RFC3: variants seen among roughly 807,000 people sequenced by gnomAD.
The protein encoded by RFC3 is replication factor C subunit 3, also known as A1 38 kDa subunit.
RFC3 carries 41 observed loss-of-function variants against 45.1 expected under a neutral mutation model. That is an observed-to-expected ratio of 0.91 (90% CI 0.71 to 1.18). The LOEUF (loss-of-function observed/expected upper bound fraction) is 1.18, where lower values mean the gene tolerates loss of function less well. RFC3 is among the 50% of genes most tolerant of loss of function. RFC3 has a pLI of 0.00. For synonymous variants in RFC3, 149 were observed against 144.0 expected (o/e 1.03, Z -0.25); for missense variants, 423 against 428.1 (o/e 0.99, Z 0.10).
chr13:33,833,490 C>G (rs534269966), intron 7 of RFC3, among the ~76,000 whole-genome samples: 1 of 152,134 alleles, frequency 6.6e-6, no homozygotes, highest in East Asian at 1.9e-4. Flanking sequence ...TACTCTTAAT[C>G]ACTTGTAAGC....
At chr13:33,970,327 A>G (rs188571286), downstream of RFC3, among the ~76,000 whole-genome samples, 32 of 152,168 alleles carry the variant, frequency 2.1e-4, no homozygotes, top group East Asian at 4.4e-3. Flanking sequence ...TCTTTATCCA[A>G]TCTATCATTG....
chr13:33,938,491 T>C (rs895569606), intron 8 of RFC3, among the ~76,000 whole-genome samples: 7 of 152,094 alleles, frequency 4.6e-5, no homozygotes, highest in Admixed American at 2.0e-4. Context: ...ATAACCACCA[T>C]TCTGATTTTT....
Position 33,831,239 on chromosome 13 carries a change from C to T in RFC3, c.711-17C>T. ...ACACTTCTGTTTAACTTCTTGTGTT[C>T]TCTTTTTGTCATGTAGATATCCTTT... On this transcript the variant is annotated splice_polypyrimidine_tract_variant and intron_variant, in intron 6 of 8. Transcript: ENST00000380071. The T allele has an allele frequency of 6.8e-7, 1 of 1,468,216 alleles. No individual in the cohort carries two copies. The highest frequency in any genetic ancestry group is 9.5e-7 in the Non-Finnish European group (1 of 1,047,688). The allele number at this position is 1,468,216 out of a possible 1,614,324, so 90.9% of individuals were successfully genotyped here.
In RFC3 at chr13:33,818,283, G is replaced by C; in HGVS notation, c.87+18G>C. On this transcript the variant is annotated intron_variant, in intron 1 of 8. Coordinates refer to ENST00000380071, the MANE Select transcript of RFC3 (RefSeq NM_002915.4). Reference sequence around the variant, plus strand: ...GGAACCTGGTGAGTCTGCGGGGGCCGGGAGCGTGGGAGAGGGGAGGCCCCC... The same window carrying C: ...GGAACCTGGTGAGTCTGCGGGGGCCCGGAGCGTGGGAGAGGGGAGGCCCCC... 3 of 1,608,486 alleles carry C rather than the reference G, an allele frequency of 1.9e-6. No individual in the cohort carries two copies. Among genetic ancestry groups the C allele is most frequent in the Non-Finnish European group, 1.7e-6 (2 of 1,175,950 alleles).
intron 7 of RFC3, among the ~76,000 whole-genome samples, chr13:33,832,592 A>C (rs117088799): frequency 6.6e-6 from 1 of 152,158 alleles, no homozygotes; most frequent in Non-Finnish European, 1.5e-5. Context: ...AGAAATCGAT[A>C]GTTTTCTCCA....
intron 8 of RFC3, among the ~76,000 whole-genome samples, chr13:33,842,690 T>C (rs576243240): frequency 1.3e-5 from 2 of 152,128 alleles, no homozygotes; most frequent in South Asian, 4.1e-4. Context: ...GCCACTTTCT[T>C]CCAGGCAGAA....
chr13:33,937,050 G>A (rs1301456026), intron 8 of RFC3, among the ~76,000 whole-genome samples: 2 of 152,134 alleles, frequency 1.3e-5, no homozygotes, highest in East Asian at 3.9e-4. Flanking sequence ...ACTTCATGGT[G>A]TATATGTATA....
chr13:33,849,540 G>A (rs1371170106), intron 8 of RFC3: 3 of 152,032 alleles, frequency 2.0e-5, no homozygotes, highest in Admixed American at 2.0e-4. Flanking sequence ...AGCCTTGTAG[G>A]ACAATTGCAG....
chr13:33,878,860 A>G (rs745794908), intron 8 of RFC3, among the ~76,000 whole-genome samples: 4 of 152,030 alleles, frequency 2.6e-5, no homozygotes, highest in Admixed American at 1.3e-4. Flanking sequence ...ACTTTTTTCA[A>G]TTCCATGTTG....
intron 8 of RFC3, among the ~76,000 whole-genome samples, chr13:33,915,318 C>T (rs2082725975): frequency 6.6e-6 from 1 of 152,154 alleles, no homozygotes; most frequent in South Asian, 2.1e-4. Flanking sequence ...TGCCAGTACA[C>T]TTGCACCCTT....
At chr13:33,934,480 G>A (rs1300295467) in intron 8 of RFC3, among the ~76,000 whole-genome samples, 1 of 152,166 alleles carries the variant, frequency 6.6e-6, no homozygotes, top group African/African-American at 2.4e-5. Flanking sequence ...TGAGATGACT[G>A]TGTGTCTTGG....
chr13:33,904,867 G>A (rs1321085302), intron 8 of RFC3, among the ~76,000 whole-genome samples: 3 of 152,078 alleles, frequency 2.0e-5, no homozygotes, highest in African/African-American at 7.2e-5. Context: ...GGCCTAAACA[G>A]CTGGTGAGAC....
At chr13:33,838,405 T>C (rs1315378359), downstream of RFC3, among the ~76,000 whole-genome samples, 1 of 152,174 alleles carries the variant, frequency 6.6e-6, no homozygotes, top group African/African-American at 2.4e-5. Context: ...GGAATGTAGT[T>C]TACCATTTAT....
At chr13:33,925,801 C>CCCGACCAA (rs1347319666) in intron 8 of RFC3, among the ~76,000 whole-genome samples, 6 of 151,790 alleles carry the variant, frequency 4.0e-5, no homozygotes, top group Non-Finnish European at 8.8e-5. Flanking sequence ...GAATGAACCC[C>CCCGACCAA]CCGACCAACC....
chr13:33,825,107 C>T (rs1440829114), intron 3 of RFC3, among the ~76,000 whole-genome samples: 1 of 152,136 alleles, frequency 6.6e-6, no homozygotes, highest in Non-Finnish European at 1.5e-5. Flanking sequence ...AAGCCGATTG[C>T]TTTTGGGGTG....
intron 8 of RFC3, among the ~76,000 whole-genome samples, chr13:33,929,696 A>G (rs2137765676): frequency 6.6e-6 from 1 of 152,218 alleles, no homozygotes; most frequent in South Asian, 2.1e-4. Flanking sequence ...CATGTTTATT[A>G]TATTTTATAC....
At chr13:33,920,608 T>C (rs2082763041) in intron 8 of RFC3, among the ~76,000 whole-genome samples, 1 of 151,760 alleles carries the variant, frequency 6.6e-6, no homozygotes, top group Non-Finnish European at 1.5e-5. Flanking sequence ...CTTAAATTTT[T>C]TTGTAGAGAT....
chr13:33,963,077 C>T (rs1356832513), intron 8 of RFC3, among the ~76,000 whole-genome samples: 1 of 151,996 alleles, frequency 6.6e-6, no homozygotes, highest in East Asian at 1.9e-4. Context: ...CAGGTTACCA[C>T]TAAGTAGTGG....
At chr13:33,971,933 A>G in the RFC3 span, among the ~76,000 whole-genome samples, 2 of 139,924 alleles carry the variant, frequency 1.4e-5, no homozygotes, top group Non-Finnish European at 3.1e-5. Context: ...CCAACGTGGC[A>G]CAACCCCATC....
Sources: gnomAD v4.1 joint callset for allele counts (sites outside exome capture counted in the v4.1 genomes callset) on GRCh38, gnomAD v4.1.1 for gene constraint, MANE v1.5 for transcripts, NCBI Gene and HGNC (gene_info 2026-07-23, HGNC 2026-07-21) for gene names.